SLC43A3: variants seen among roughly 807,000 people sequenced by gnomAD.
SLC43A3 encodes equilibrative nucleobase transporter 1.
A neutral mutation model predicts 53.3 loss-of-function variants in SLC43A3; 33 were observed. That is an observed-to-expected ratio of 0.62 (90% confidence interval 0.47 to 0.83). SLC43A3 has a LOEUF of 0.83. Ranked by LOEUF, SLC43A3 falls within the 40% of genes least tolerant of loss-of-function variation. The pLI is 0.00. For synonymous variants in SLC43A3, 236 were observed against 246.2 expected (o/e 0.96, Z 0.39); for missense variants, 530 against 610.0 (o/e 0.87, Z 1.38).
chr11:57,412,844 T>C (rs1942541945), intron 11 of SLC43A3, among the ~76,000 whole-genome samples: 1 of 151,932 alleles, frequency 6.6e-6, no homozygotes, highest in Non-Finnish European at 1.5e-5. Flanking sequence ...ATCATCCTTT[T>C]GCGATCCTAA....
At chr11:57,425,421 G>C in intron 4 of SLC43A3, 120 bp downstream of exon 4, 1 of 1,002,938 alleles carries the variant, frequency 1.0e-6, no homozygotes, top group Non-Finnish European at 1.5e-6. Context: ...GGAGCGAGCT[G>C]CAGGTGTGGT....
In SLC43A3 at chr11:57,426,079, A is replaced by C. The variant is rs1289937594; in HGVS notation, c.94T>G (p.Ser32Ala). Residue 32 changes from serine (S) to alanine (A), a missense_variant, in exon 3 of 14, where the codon TCA becomes GCA. Physicochemically the swap from Ser to Ala is moderately conservative, Grantham distance 99. Transcript: ENST00000395124. ...GFAGVLFGWP[S>A]LVFVFKNEDY... The stretch of plus-strand genomic sequence containing the variant: ...TCATTCTTGAAGACAAACACTAGTG[A>C]AGGCCAGCCAAAGAGGACGCCAGCA... 4 of 1,614,262 alleles carry C rather than the reference A, an allele frequency of 2.5e-6. No homozygotes were observed. The highest frequency in any genetic ancestry group is 3.4e-6 in the Non-Finnish European group (4 of 1,180,038).
intron 3 of SLC43A3, 73 bp from the exon 4 acceptor site, chr11:57,425,743 C>A: frequency 6.3e-7 from 1 of 1,590,828 alleles, no homozygotes; most frequent in Non-Finnish European, 8.6e-7. Context: ...GGCTCCCCTC[C>A]ACCTCAGACA....
chr11:57,423,091 G>A (rs1466985998), intron 5 of SLC43A3, among the ~76,000 whole-genome samples: 1 of 152,260 alleles, frequency 6.6e-6, no homozygotes, highest in Middle Eastern at 3.4e-3. Flanking sequence ...GAAGAGTGAG[G>A]GATCAGGAGG....
chr11:57,417,058 G>A (rs1396955546), intron 8 of SLC43A3, among the ~76,000 whole-genome samples: 2 of 152,236 alleles, frequency 1.3e-5, no homozygotes, highest in Non-Finnish European at 2.9e-5. Context: ...GAGGATTATT[G>A]TGAGGATGAA....
rs758408697 is a variant in SLC43A3 at position 57,410,006 on chromosome 11, G to A, written c.1176C>T (p.Tyr392=). Residue 392 remains tyrosine, a synonymous_variant, in exon 12 of 14, where the codon TAC becomes TAT. Coordinates refer to ENST00000395124, the MANE Select transcript of SLC43A3 (RefSeq NM_199329.3). ...TGATCACTTGCAGGATGAAGGTGAG[G>A]TACTGGAGAGGGAGGATGGGGACTG... The part of the protein sequence containing the change: ...CASVPILPLQ[Y]LTFILQVISR... 1 of 1,613,344 alleles carries A rather than the reference G, an allele frequency of 6.2e-7. No homozygotes were observed. The highest frequency in any genetic ancestry group is 8.5e-7 in the Non-Finnish European group (1 of 1,179,804).
chr11:57,407,420 G>A lies in SLC43A3; in HGVS notation c.*372C>T, dbSNP rs568957823. ...CACTCTTCACCTGAAAATTTAACCC[G>A]TGGCAGAGGATCCAGGCACATATAG... is the stretch of plus-strand genomic sequence containing the variant. On this transcript the variant is annotated 3_prime_UTR_variant, in exon 14 of 14. Transcript: ENST00000395124. 3.5e-5 allele frequency: 6 copies of A among 172,460 alleles called. No homozygotes were observed. Among genetic ancestry groups the A allele is most frequent in the East Asian group, 1.6e-4 (1 of 6,296 alleles). 10.7% of individuals were successfully genotyped at this position (172,460 alleles called of 1,614,324 possible). A position where few individuals can be genotyped will look rare whatever the true frequency, so the allele number is the denominator to read the frequency against.
At chr11:57,412,630 T>C (rs767906170) in intron 11 of SLC43A3, among the ~76,000 whole-genome samples, 1 of 152,116 alleles carries the variant, frequency 6.6e-6, no homozygotes, top group Non-Finnish European at 1.5e-5. Flanking sequence ...CTGGCCAACA[T>C]GGTGAAACCC....
Position 57,409,306 on chromosome 11 carries a change from G to A in SLC43A3, c.1248-8C>T, listed in dbSNP as rs374023369. 1 of 1,614,118 alleles carries A rather than the reference G, an allele frequency of 6.2e-7. No homozygotes were observed. The highest frequency in any genetic ancestry group is 1.3e-5 in the African/African-American group (1 of 75,058). On this transcript the variant is annotated splice_region_variant and splice_polypyrimidine_tract_variant and intron_variant, in intron 12 of 13. Coordinates refer to ENST00000395124, the MANE Select transcript of SLC43A3 (RefSeq NM_199329.3). ...AAGTGCTCTGAAGGGAAACTGGGGA[G>A]AGAAACCAGAGGGGTTCCAGTGAGC...
intron 3 of SLC43A3, 143 bp from the exon 4 acceptor site, chr11:57,425,813 C>G: frequency 7.0e-7 from 1 of 1,420,762 alleles, no homozygotes; most frequent in Non-Finnish European, 9.5e-7. Context: ...CCCTAATTAC[C>G]CCTCAGGAGC....
At position 57,409,280 on chromosome 11, in the gene SLC43A3, A is replaced by G. The variant is rs780063036; in HGVS notation, c.1266T>C (p.Phe422=). The change falls in exon 13 of 14, where the codon TTT becomes TTC. Residue 422 remains phenylalanine, a synonymous_variant. Transcript: ENST00000395124. Reference sequence around the variant, plus strand: ...CCATCACCAGCCCAAAGAGCTTGCCAAAGTGCTCTGAAGGGAAACTGGGGA... The same window carrying G: ...CCATCACCAGCCCAAAGAGCTTGCCGAAGTGCTCTGAAGGGAAACTGGGGA... ...FLTLAFPSEH[F]GKLFGLVMAL... 2 of 1,614,206 alleles carry G rather than the reference A, an allele frequency of 1.2e-6. No individual in the cohort carries two copies. The highest frequency in any genetic ancestry group is 1.7e-5 in the Admixed American group (1 of 60,020).
At position 57,421,292 on chromosome 11, in the gene SLC43A3, C is replaced by T. The variant is rs1942979066; in HGVS notation, c.438+5G>A. 6.2e-7 allele frequency: 1 copy of T among 1,611,264 alleles called. No individual in the cohort carries two copies. Among genetic ancestry groups the T allele is most frequent in the African/African-American group, 1.3e-5 (1 of 74,854 alleles). Reference sequence around the variant, plus strand: ...CGAGTGCCTGGGATTAGGGAAGGCTCCCACCTGCAGGTTGGTGATGAGAAA... The same window carrying T: ...CGAGTGCCTGGGATTAGGGAAGGCTTCCACCTGCAGGTTGGTGATGAGAAA... On this transcript the variant is annotated splice_donor_5th_base_variant and intron_variant, in intron 6 of 13. Transcript: ENST00000395124.
chr11:57,413,749 A>G (rs1488518826), intron 11 of SLC43A3, among the ~76,000 whole-genome samples: 1 of 152,080 alleles, frequency 6.6e-6, no homozygotes, highest in Non-Finnish European at 1.5e-5. Context: ...CTCTCCAGCC[A>G]CTTCCCTAAG....
chr11:57,421,233 G>C, intron 6 of SLC43A3, 64 bp downstream of exon 6: 1 of 1,438,932 alleles, frequency 6.9e-7, no homozygotes, highest in African/African-American at 1.4e-5. Context: ...ATAGAAAAGG[G>C]TCTCTCCTTC....
At chr11:57,413,314 TG>T (rs1942568421) in intron 11 of SLC43A3, among the ~76,000 whole-genome samples, 1 of 152,154 alleles carries the variant, frequency 6.6e-6, no homozygotes, top group African/African-American at 2.4e-5. Flanking sequence ...GGATCCTAAT[TG>T]GAACAAACCA....
At chr11:57,420,867 C>A in intron 7 of SLC43A3, 105 bp downstream of exon 7, 1 of 778,204 alleles carries the variant, frequency 1.3e-6, no homozygotes. Flanking sequence ...GGGGGTAACA[C>A]AGTACCTACC....
chr11:57,409,334 C>T, intron 12 of SLC43A3, 36 bp from the exon 13 acceptor site: 1 of 1,612,782 alleles, frequency 6.2e-7, no homozygotes, highest in Non-Finnish European at 8.5e-7. Flanking sequence ...CAGTGAGCTT[C>T]AGGGACCCTC....
chr11:57,419,173 T>A (rs1942864951), intron 7 of SLC43A3, among the ~76,000 whole-genome samples: 1 of 152,164 alleles, frequency 6.6e-6, no homozygotes, highest in Non-Finnish European at 1.5e-5. Context: ...CAGTGCCTTT[T>A]TTCCCCCAAC....
At chr11:57,425,059 T>A (rs1211196884) in intron 4 of SLC43A3, among the ~76,000 whole-genome samples, 2 of 151,958 alleles carry the variant, frequency 1.3e-5, no homozygotes, top group African/African-American at 4.8e-5. Flanking sequence ...AAACTTCCTA[T>A]TAGCTAAGCC....
Sources: allele counts gnomAD v4.1 joint callset (sites outside exome capture counted in the v4.1 genomes callset), GRCh38; gene constraint gnomAD v4.1.1; transcripts MANE v1.5; gene names NCBI Gene and HGNC (gene_info 2026-07-23, HGNC 2026-07-21).